Variants in PCDH9 observed in about 807,000 individuals in gnomAD.
The protein encoded by PCDH9 is protocadherin-9.
A neutral mutation model predicts 70.6 loss-of-function variants in PCDH9; 24 were observed. That is an observed-to-expected ratio of 0.34 (90% CI 0.25 to 0.48). The LOEUF (loss-of-function observed/expected upper bound fraction) is 0.48. Ranked by LOEUF, PCDH9 falls within the 20% of genes least tolerant of loss-of-function variation. The probability of loss-of-function intolerance (pLI) is 0.99; values close to 1 mark genes in which losing one functional copy is unlikely to be tolerated. For missense variants in PCDH9, 1,281 were observed against 1,503.6 expected (o/e 0.85, Z 2.45); for synonymous variants, 562 against 558.5 (o/e 1.01, Z -0.09).
chr13:66,819,489 AT>A (rs2080671082), intron 3 of PCDH9, among the ~76,000 whole-genome samples: 1 of 152,176 alleles, frequency 6.6e-6, no homozygotes, highest in Admixed American at 6.5e-5. Flanking sequence ...AAAATATGAT[AT>A]CTTTATTATT....
chr13:66,761,595 AT>A (rs1480362606), intron 3 of PCDH9, among the ~76,000 whole-genome samples: 2 of 152,032 alleles, frequency 1.3e-5, no homozygotes, highest in East Asian at 3.9e-4. Context: ...TGAGTTTAAA[AT>A]TCTTTCTTCT....
chr13:67,194,557 G>A (rs1346463667), intron 2 of PCDH9, among the ~76,000 whole-genome samples: 1 of 152,072 alleles, frequency 6.6e-6, no homozygotes, highest in African/African-American at 2.4e-5. Context: ...CTGAGGAATG[G>A]CAGCTTAAGT....
intron 2 of PCDH9, among the ~76,000 whole-genome samples, chr13:67,011,705 C>A (rs1329293878): frequency 1.3e-5 from 2 of 151,810 alleles, no homozygotes; most frequent in East Asian, 1.9e-4. Flanking sequence ...GATTAAATAA[C>A]CTATTTGGAG....
At chr13:66,932,355 C>G (rs1045028078) in intron 2 of PCDH9, among the ~76,000 whole-genome samples, 1 of 152,072 alleles carries the variant, frequency 6.6e-6, no homozygotes, top group Non-Finnish European at 1.5e-5. Flanking sequence ...TTTGAAGAAA[C>G]GAACTCGTGG....
intron 3 of PCDH9, among the ~76,000 whole-genome samples, chr13:66,728,723 C>A (rs1052940175): frequency 1.3e-5 from 2 of 152,034 alleles, no homozygotes; most frequent in Admixed American, 1.3e-4. Context: ...CTGTAGTAAT[C>A]CATTACTCTA....
At chr13:66,413,601 G>C (rs903476399) in intron 4 of PCDH9, among the ~76,000 whole-genome samples, 8 of 151,982 alleles carry the variant, frequency 5.3e-5, no homozygotes, top group Non-Finnish European at 2.9e-5. Flanking sequence ...TGGGAGAATG[G>C]GGTGAACCTG....
intron 3 of PCDH9, among the ~76,000 whole-genome samples, chr13:66,693,197 G>A (rs1485565293): frequency 1.3e-5 from 2 of 152,076 alleles, no homozygotes; most frequent in Middle Eastern, 3.4e-3. Context: ...AATTGGAATG[G>A]CAACATTTTT....
rs202233033 is a variant in PCDH9, at chr13:66,454,162, T to TA, written c.3341-149135dup. ...TAAGACTTGTTTTTTTCTTTTTTTT[T>TA]AAAAAAAGCATTTTCTTTCTAAAAC... On this transcript the variant is annotated intron_variant, in intron 4 of 4. Transcript: ENST00000377865. 1.6e-3 allele frequency among the ~76,000 whole-genome samples: 241 copies of TA among 151,938 alleles called. 2 individuals are homozygous for TA. The highest frequency in any genetic ancestry group is 4.7e-3 in the East Asian group (24 of 5,130).
chr13:66,442,181 A>T (rs550793109), intron 4 of PCDH9, among the ~76,000 whole-genome samples: 1 of 152,276 alleles, frequency 6.6e-6, no homozygotes, highest in South Asian at 2.1e-4. Context: ...ACATCAATTG[A>T]CTTTCAATCT....
chr13:66,885,289 G>T (rs2081988254), intron 3 of PCDH9, among the ~76,000 whole-genome samples: 1 of 152,148 alleles, frequency 6.6e-6, no homozygotes, highest in African/African-American at 2.4e-5. Flanking sequence ...GGGTGGCAAT[G>T]AAGATGTATG....
chr13:66,925,604 A>G (rs1195567566), intron 2 of PCDH9, among the ~76,000 whole-genome samples: 1 of 147,458 alleles, frequency 6.8e-6, no homozygotes, highest in Non-Finnish European at 1.5e-5. Context: ...TAAGCTTGTT[A>G]ACTTGATTTT....
chr13:66,486,414 G>C (rs1958943484), intron 4 of PCDH9, among the ~76,000 whole-genome samples: 1 of 151,820 alleles, frequency 6.6e-6, no homozygotes, highest in Non-Finnish European at 1.5e-5. Context: ...CTGTGACTGT[G>C]CTGCTGCACT....
At chr13:66,513,199 T>TTA (rs1006607983) in intron 4 of PCDH9, among the ~76,000 whole-genome samples, 1 of 151,208 alleles carries the variant, frequency 6.6e-6, no homozygotes, top group East Asian at 1.9e-4. Context: ...CACGTGTTTT[T>TTA]TTTTTTTTTT....
rs534799687 is a variant in PCDH9 at position 66,586,285 on chromosome 13, TAGAG to T, written c.3340+44921_3340+44924del. Among the ~76,000 whole-genome samples, 221 of 152,042 alleles carry T rather than the reference TAGAG, an allele frequency of 1.5e-3. 1 individual carries two copies. In the South Asian group the frequency reaches 0.021, roughly 14 times the overall value. On this transcript the variant is annotated intron_variant, in intron 4 of 4. Coordinates refer to ENST00000377865, the MANE Select transcript of PCDH9 (RefSeq NM_203487.3). ...TAATGCTATATAATAGATGCACACA[TAGAG>T]AGAGAGATACATTAAATAAAATTTA...
intron 2 of PCDH9, among the ~76,000 whole-genome samples, chr13:66,982,672 A>C (rs1425557999): frequency 1.3e-5 from 2 of 152,112 alleles, no homozygotes; most frequent in African/African-American, 4.8e-5. Context: ...GTCGAAACTA[A>C]CTTGTTCAGG....
chr13:66,373,331 C>G (rs1169447533), intron 4 of PCDH9, among the ~76,000 whole-genome samples: 5 of 151,674 alleles, frequency 3.3e-5, no homozygotes, highest in African/African-American at 4.8e-5. Flanking sequence ...CCAGTGGTGG[C>G]GGGTTGGGGG....
intron 2 of PCDH9, among the ~76,000 whole-genome samples, chr13:67,195,563 C>G (rs2089041197): frequency 1.3e-5 from 2 of 151,974 alleles, no homozygotes; most frequent in African/African-American, 4.8e-5. Flanking sequence ...TAGACTTTAC[C>G]AGAACTTTTT....
chr13:66,541,812 G>A (rs994218865), intron 4 of PCDH9, among the ~76,000 whole-genome samples: 1 of 152,186 alleles, frequency 6.6e-6, no homozygotes, highest in Non-Finnish European at 1.5e-5. Context: ...TAGATACTCA[G>A]TTATAGACAA....
intron 4 of PCDH9, among the ~76,000 whole-genome samples, chr13:66,403,675 A>G (rs376633698): frequency 3.9e-5 from 6 of 152,174 alleles, no homozygotes; most frequent in African/African-American, 1.4e-4. Context: ...TTTAGAATAC[A>G]AAGAATAATA....
Sources: allele counts gnomAD v4.1 joint callset (sites outside exome capture counted in the v4.1 genomes callset), GRCh38; gene constraint gnomAD v4.1.1; transcripts MANE v1.5; gene names NCBI Gene and HGNC (gene_info 2026-07-23, HGNC 2026-07-21).